DCTN4: variants seen among roughly 807,000 people sequenced by gnomAD.
DCTN4 encodes dynactin 4 (p62).
In DCTN4, 23 loss-of-function variants were observed where a neutral mutation model predicts 62.7. The observed-to-expected ratio is 0.37, with a 90% CI of 0.26 to 0.52. DCTN4 has a LOEUF of 0.52. Among genes scored for constraint, DCTN4 ranks in the 20% least tolerant of loss-of-function variants. The pLI, the probability that DCTN4 is intolerant of heterozygous loss-of-function variation, is 0.92. For missense variants in DCTN4, 514 were observed against 580.4 expected (o/e 0.89, Z 1.18); for synonymous variants, 199 against 202.1 (o/e 0.98, Z 0.13).
intron 11 of DCTN4, 70 bp from the exon 12 acceptor site, chr5:150,715,732 T>C (rs1214109055): frequency 2.4e-6 from 3 of 1,239,644 alleles, no homozygotes; most frequent in Non-Finnish European, 2.4e-6. Context: ...AGTACGACAT[T>C]GATTTAGACA....
chr5:150,732,455 C>T (rs567841210), intron 5 of DCTN4, among the ~76,000 whole-genome samples: 24 of 152,284 alleles, frequency 1.6e-4, no homozygotes, highest in Non-Finnish European at 2.4e-4. Flanking sequence ...CCAGCTTAAT[C>T]TAGGTATTTT....
rs1004077537 is a variant in DCTN4, at chr5:150,710,837, T to A, written c.*312A>T. 2.5e-5 allele frequency: 9 copies of A among 359,552 alleles called. No homozygotes were observed. The highest frequency in any genetic ancestry group is 3.7e-5 in the Non-Finnish European group (7 of 188,574). The allele number at this position is 359,552 out of a possible 1,614,324, so 22.3% of individuals were successfully genotyped here. ...AAGAGACAGTACAGAGTTTCTCAGG[T>A]GGTAAATACAATGCCATTCCAAGGA... On this transcript the variant is annotated 3_prime_UTR_variant, in exon 13 of 13. Transcript: ENST00000447998.
At chr5:150,742,262 A>ATATAGACCATTCTGGTCTATATAAC in intron 3 of DCTN4, 105 bp from the exon 4 acceptor site, 7 of 1,119,068 alleles carry the variant, frequency 6.3e-6, no homozygotes, top group Admixed American at 1.7e-5. Flanking sequence ...AACATAAGTT[A>ATATAGACCATTCTGGTCTATATAAC]TATAGACCAT....
intron 3 of DCTN4, among the ~76,000 whole-genome samples, chr5:150,751,092 T>A (rs1303472238): frequency 6.6e-6 from 1 of 152,180 alleles, no homozygotes; most frequent in African/African-American, 2.4e-5. Flanking sequence ...GAATATTTTA[T>A]CTAATTGCTT....
chr5:150,727,931 T>C (rs900446739), intron 8 of DCTN4, among the ~76,000 whole-genome samples: 2 of 152,160 alleles, frequency 1.3e-5, no homozygotes, highest in African/African-American at 4.8e-5. Flanking sequence ...ATAATTTCTG[T>C]AAATTATATT....
chr5:150,739,307 TTTACAACAGCCGCAAAAACCCCACC>T (rs1489846943), intron 4 of DCTN4, among the ~76,000 whole-genome samples: 2 of 152,160 alleles, frequency 1.3e-5, no homozygotes, highest in Non-Finnish European at 2.9e-5. Flanking sequence ...CTCAACCCTG[TTTACAACAGCCGCAAAAACCCCACC>T]CAAAAAACAA....
intron 12 of DCTN4, among the ~76,000 whole-genome samples, chr5:150,712,009 A>G (rs1160430181): frequency 6.6e-6 from 1 of 152,218 alleles, no homozygotes; most frequent in Non-Finnish European, 1.5e-5. Flanking sequence ...ATTGGCATAT[A>G]CTGAGGTTGC....
chr5:150,725,943 C>T lies in DCTN4; in HGVS notation c.835-2963G>A, dbSNP rs577451752. Among the ~76,000 whole-genome samples the T allele has an allele frequency of 6.6e-5, 10 of 152,130 alleles. No individual in the cohort carries two copies. In the South Asian group the frequency reaches 2.1e-3, roughly 32 times the overall value. Reference sequence around the variant, plus strand: ...TTTGAGACAAGTTTTGCTCTTGTTGCCCAGGCCGGAGTACAATGGCGCAAT... The same window carrying T: ...TTTGAGACAAGTTTTGCTCTTGTTGTCCAGGCCGGAGTACAATGGCGCAAT... On this transcript the variant is annotated intron_variant, in intron 8 of 12. Transcript: ENST00000447998.
chr5:150,743,948 T>C (rs10076092), intron 3 of DCTN4, among the ~76,000 whole-genome samples: 20,697 of 152,148 alleles, frequency 0.14, 2,416 homozygotes, highest in African/African-American at 0.31. Flanking sequence ...GAGAATGACT[T>C]TGACGAGTTG....
chr5:150,740,044 A>C (rs1445572876), intron 4 of DCTN4, among the ~76,000 whole-genome samples: 1 of 152,178 alleles, frequency 6.6e-6, no homozygotes, highest in Non-Finnish European at 1.5e-5. Context: ...CAAGAACCCA[A>C]AAGCAAATGC....
rs186728658 is a variant in DCTN4, at chr5:150,752,786, C to T, written c.385+693G>A. The stretch of plus-strand genomic sequence containing the variant: ...AGTCTTTTTCTTATTGACTTATAAG[C>T]GTTCCTCATTTCTGAGTATTCATCT... On this transcript the variant is annotated intron_variant, in intron 3 of 12. Coordinates refer to ENST00000447998, the MANE Select transcript of DCTN4 (RefSeq NM_016221.4). Among the ~76,000 whole-genome samples, 337 of 152,232 alleles carry T rather than the reference C, an allele frequency of 2.2e-3. 9 individuals carry two copies. Among genetic ancestry groups the T allele is most frequent in the Admixed American group, 0.016 (248 of 15,290 alleles).
rs924010487 is a variant in DCTN4 at position 150,722,246 on chromosome 5, C to T, written c.908+661G>A. Reference sequence around the variant, plus strand: ...AGGGCTCTCTTACTCCAAAGCTAGACAATACTTTCCTAATTTGTGAAAATA... The same window carrying T: ...AGGGCTCTCTTACTCCAAAGCTAGATAATACTTTCCTAATTTGTGAAAATA... On this transcript the variant is annotated intron_variant, in intron 9 of 12. Transcript: ENST00000447998. 6.6e-5 allele frequency among the ~76,000 whole-genome samples: 10 copies of T among 152,264 alleles called. No individual in the cohort carries two copies. The East Asian group carries it at 1.5e-3, about 23-fold the overall frequency.
At chr5:150,731,858 T>C in intron 5 of DCTN4, 1 of 1,550,148 alleles carries the variant, frequency 6.5e-7, no homozygotes, top group Non-Finnish European at 8.7e-7. Context: ...TTCTTCAGGG[T>C]CAGCAAGAAT....
At chr5:150,748,940 TAAGAAAAAAA>T (rs950956171) in intron 3 of DCTN4, among the ~76,000 whole-genome samples, 15 of 148,746 alleles carry the variant, frequency 1.0e-4, no homozygotes, top group East Asian at 2.0e-4. Flanking sequence ...AGTATAATAA[TAAGAAAAAAA>T]AAGAAAAAAA....
rs1759539714 is a variant in DCTN4 at position 150,711,008 on chromosome 5, G to A, written c.*141C>T. 1.2e-6 allele frequency: 1 copy of A among 822,722 alleles called. No homozygotes were observed. Among genetic ancestry groups the A allele is most frequent in the Admixed American group, 2.6e-5 (1 of 39,030 alleles). The allele number at this position is 822,722 out of a possible 1,614,324, so 51.0% of individuals were successfully genotyped here. On this transcript the variant is annotated 3_prime_UTR_variant, in exon 13 of 13. Coordinates refer to ENST00000447998, the MANE Select transcript of DCTN4 (RefSeq NM_016221.4). ...CCTGTGTTCCCAATGCCTTGCCTAT[G>A]CTCCCACTTTCTTAGCAATAGAATT...
intron 3 of DCTN4, among the ~76,000 whole-genome samples, chr5:150,745,004 TAA>T (rs1290440758): frequency 6.6e-6 from 1 of 150,606 alleles, no homozygotes; most frequent in Non-Finnish European, 1.5e-5. Context: ...GCAAATTGGA[TAA>T]AGAGTCAAGA....
At chr5:150,755,705 A>G in intron 2 of DCTN4, 1 of 367,110 alleles carries the variant, frequency 2.7e-6, no homozygotes, top group South Asian at 2.1e-5. Flanking sequence ...ACCCAAGAGG[A>G]GTCTAGAGAC....
At chr5:150,716,399 G>A (rs1291087790) in intron 11 of DCTN4, among the ~76,000 whole-genome samples, 1 of 152,128 alleles carries the variant, frequency 6.6e-6, no homozygotes, top group Non-Finnish European at 1.5e-5. Flanking sequence ...GAGATACTGG[G>A]TGATTATGGT....
intron 9 of DCTN4, among the ~76,000 whole-genome samples, chr5:150,720,346 A>G (rs1759913545): frequency 6.6e-6 from 1 of 152,188 alleles, no homozygotes; most frequent in Admixed American, 6.5e-5. Context: ...ACAGGAATTT[A>G]AGAAACTTTT....
Sources: gnomAD v4.1 joint callset for allele counts (sites outside exome capture counted in the v4.1 genomes callset) on GRCh38, gnomAD v4.1.1 for gene constraint, MANE v1.5 for transcripts, NCBI Gene and HGNC (gene_info 2026-07-23, HGNC 2026-07-21) for gene names.